The following IDUA variants were observed in gnomAD, a reference collection of about 807,000 sequenced individuals.
IDUA encodes the protein iduronidase alpha-L-.
In IDUA, 65 loss-of-function variants were observed where a neutral mutation model predicts 68.9. The ratio of observed to expected loss-of-function variants is 0.94; its 90% CI spans 0.77 to 1.16. The LOEUF (loss-of-function observed/expected upper bound fraction) is 1.16, where lower values mean the gene tolerates loss of function less well. IDUA is among the 50% of genes most tolerant of loss of function. IDUA has a pLI of 0.00. For missense variants in IDUA, 1,046 were observed against 938.0 expected, an observed-to-expected ratio of 1.12 and a Z score of -1.50; for synonymous variants, 529 against 433.6, an observed-to-expected ratio of 1.22 and a Z score of -2.73.
At chr4:1,003,844 G>A (rs557427609) in intron 12 of IDUA, 168 bp from the exon 13 acceptor site, 8 of 801,478 alleles carry the variant, frequency 1.0e-5, no homozygotes, top group East Asian at 2.5e-5. Context: ...ATGGACATTC[G>A]GGCTCCAGCC....
At position 1,004,258 on chromosome 4, in the gene IDUA, A is replaced by G. The variant is rs1553917733; in HGVS notation, c.1829-2A>G. On this transcript the variant is annotated splice_acceptor_variant, in intron 13 of 13. Coordinates refer to ENST00000514224, the MANE Select transcript of IDUA (RefSeq NM_000203.5). LOFTEE classifies it high-confidence loss of function. The surrounding 1 kb of genome is among the most constrained non-coding windows in gnomAD (Gnocchi z 5.0). ...TTGGCACACATGTCCCCTTGTCTCCAGACACAGGTGCTGTCTCTGGCTCCT... is the reference window on the plus strand; with the variant it reads ...TTGGCACACATGTCCCCTTGTCTCCGGACACAGGTGCTGTCTCTGGCTCCT... 1.9e-6 allele frequency: 3 copies of G among 1,609,962 alleles called. No homozygotes were observed. Among genetic ancestry groups the G allele is most frequent in the Non-Finnish European group, 2.5e-6 (3 of 1,179,958 alleles).
In IDUA at chr4:1,002,146, G is replaced by C. The variant is rs748350723; in HGVS notation, c.957G>C (p.Ala319=). ...CGTGGAGGGCGGACGTGACCTACGCGGCCATGGTGGTGAAGGTGGGCCGGC... is the reference window on the plus strand; with the variant it reads ...CGTGGAGGGCGGACGTGACCTACGCCGCCATGGTGGTGAAGGTGGGCCGGC... The part of the protein sequence containing the change: ...PQPWRADVTY[A]AMVVKVIAQH... The change falls in exon 7 of 14, where the codon GCG becomes GCC. Residue 319 remains alanine, a synonymous_variant. Transcript: ENST00000514224. 10 of 1,558,604 alleles carry C rather than the reference G, an allele frequency of 6.4e-6. No individual in the cohort carries two copies. The African/African-American group carries it at 1.2e-4, about 19-fold the overall frequency.
chr4:1,003,029 C>G lies in IDUA; in HGVS notation c.1403-7C>G. The stretch of plus-strand genomic sequence containing the variant: ...GGGAGCCGAGGCCTGAGTGTCAGGC[C>G]CCGCAGGCCTGGTCTACGTCACGCG... On this transcript the variant is annotated splice_polypyrimidine_tract_variant and splice_region_variant and intron_variant, in intron 9 of 13. Coordinates refer to ENST00000514224, the MANE Select transcript of IDUA (RefSeq NM_000203.5). 5 of 1,483,058 alleles carry G rather than the reference C, an allele frequency of 3.4e-6. No homozygotes were observed. Among genetic ancestry groups the G allele is most frequent in the Non-Finnish European group, 4.4e-6 (5 of 1,123,736 alleles). The allele number at this position is 1,483,058 out of a possible 1,614,324, so 91.9% of individuals were successfully genotyped here. A position where few individuals can be genotyped will look rare whatever the true frequency, so the allele number is the denominator to read the frequency against.
intron 2 of IDUA, among the ~76,000 whole-genome samples, chr4:997,966 C>T (rs1017301163): frequency 2.0e-4 from 30 of 152,230 alleles, no homozygotes; most frequent in African/African-American, 7.0e-4. Context: ...GCAGAGAAAA[C>T]CTGAAGCCCA....
chr4:1,002,688 T>C, intron 8 of IDUA, 44 bp from the exon 9 acceptor site: 1 of 1,348,772 alleles, frequency 7.4e-7, no homozygotes, highest in Non-Finnish European at 1.0e-6. Context: ...GGGGGGCGGC[T>C]GGGCAACGAC....
intron 12 of IDUA, 146 bp downstream of exon 12, chr4:1,003,771 A>T: frequency 1.0e-6 from 1 of 954,448 alleles, no homozygotes; most frequent in South Asian, 1.4e-5. Flanking sequence ...CCTTCACCCC[A>T]CACACTGTGG....
In IDUA at chr4:989,254, G is replaced by A. The variant is rs201503661; in HGVS notation, c.299+1305G>A. On this transcript the variant is annotated intron_variant, in intron 2 of 13. Transcript: ENST00000514224. The stretch of plus-strand genomic sequence containing the variant: ...AGCCATGCACCCTGCGTCCAGCCCC[G>A]TGAGGCTGTAGAGTGACTGCAGGAA... 392 of 1,612,642 alleles carry A rather than the reference G, an allele frequency of 2.4e-4. 1 individual carries two copies. The East Asian group carries it at 7.3e-3, about 30-fold the overall frequency.
In IDUA at chr4:989,535, C is replaced by T. The variant is rs370491888; in HGVS notation, c.299+1586C>T. 1.7e-4 allele frequency: 266 copies of T among 1,560,276 alleles called. No homozygotes were observed. Among genetic ancestry groups the T allele is most frequent in the Non-Finnish European group, 2.1e-4 (243 of 1,153,376 alleles). The stretch of plus-strand genomic sequence containing the variant: ...TGCCTGCCCAGACCAGCGCGTCAGC[C>T]GGGCTCATCCGCCACAGCCGCGGGA... On this transcript the variant is annotated intron_variant, in intron 2 of 13. Transcript: ENST00000514224.
intron 2 of IDUA, among the ~76,000 whole-genome samples, chr4:997,243 G>C (rs980568386): frequency 6.6e-6 from 1 of 151,688 alleles, no homozygotes; most frequent in African/African-American, 2.4e-5. Flanking sequence ...TGTCCCCTTC[G>C]TCCCGGCCAC....
intron 2 of IDUA, 119 bp downstream of exon 2, chr4:988,068 G>C (rs993885725): frequency 6.8e-7 from 1 of 1,465,234 alleles, no homozygotes; most frequent in East Asian, 2.5e-5. Context: ...GAAGCACCCT[G>C]TTGGGGAGAG....
chr4:988,819 C>A, intron 2 of IDUA: 1 of 1,557,056 alleles, frequency 6.4e-7, no homozygotes, highest in Non-Finnish European at 8.7e-7. Flanking sequence ...GGCTGCTGGG[C>A]AGGCCTGGCC....
rs375317028 is a variant in IDUA at position 989,027 on chromosome 4, C to T, written c.299+1078C>T. 47 of 1,584,154 alleles carry T rather than the reference C, an allele frequency of 3.0e-5. No individual in the cohort carries two copies. The highest frequency in any genetic ancestry group is 2.1e-4 in the East Asian group (9 of 42,952). The stretch of plus-strand genomic sequence containing the variant: ...AGCAGCAGGCTGATGCCCAGGGCCC[C>T]GTAGTCTCGGCGCAGGTCCTGCAGC... On this transcript the variant is annotated intron_variant, in intron 2 of 13. Coordinates refer to ENST00000514224, the MANE Select transcript of IDUA (RefSeq NM_000203.5).
intron 2 of IDUA, chr4:990,948 C>T (rs960777798): frequency 1.1e-4 from 69 of 623,838 alleles, no homozygotes; most frequent in Middle Eastern, 8.8e-4. Flanking sequence ...ACAGCCTCTC[C>T]GCGTCGGTGC....
At chr4:1,003,491 C>T (rs1715248802) in intron 11 of IDUA, 21 bp downstream of exon 11, 1 of 1,591,362 alleles carries the variant, frequency 6.3e-7, no homozygotes, top group Admixed American at 1.7e-5. Flanking sequence ...GTCCCCTAAC[C>T]CGCGCCGCGG....
At chr4:1,003,888 C>A in intron 12 of IDUA, 124 bp from the exon 13 acceptor site, 2 of 905,324 alleles carry the variant, frequency 2.2e-6, no homozygotes, top group Non-Finnish European at 3.7e-6. Context: ...TGCCCAGGGG[C>A]TGGGGAGGTG....
chr4:1,002,815 C>T lies in IDUA; in HGVS notation c.1273C>T (p.His425Tyr). The change falls in exon 9 of 14, where the codon CAC (histidine) becomes TAC (tyrosine). Residue 425 changes from histidine to tyrosine, a missense_variant. His to Tyr is a moderately conservative substitution (Grantham distance 83). Coordinates refer to ENST00000514224, the MANE Select transcript of IDUA (RefSeq NM_000203.5). Reference protein sequence around the residue: ...NHTVGVLASAHRPQGPADAWR... With the variant: ...NHTVGVLASAYRPQGPADAWR... ...CACGGTGGGCGTCCTGGCCAGCGCC[C>T]ACCGCCCCCAGGGCCCGGCCGACGC... 6.9e-7 allele frequency: 1 copy of T among 1,458,622 alleles called. No individual in the cohort carries two copies. Among genetic ancestry groups the T allele is most frequent in the Non-Finnish European group, 9.0e-7 (1 of 1,111,356 alleles). 90.4% of individuals were successfully genotyped at this position (1,458,622 alleles called of 1,614,324 possible). A position where few individuals can be genotyped will look rare whatever the true frequency, so the allele number is the denominator to read the frequency against.
chr4:1,002,531 G>A, intron 8 of IDUA, 46 bp downstream of exon 8: 2 of 1,422,286 alleles, frequency 1.4e-6, no homozygotes, highest in South Asian at 1.5e-5. Context: ...CCTCCAGGCT[G>A]GGGAGCGGCT....
At chr4:999,141 C>A (rs1268771011) in intron 2 of IDUA, among the ~76,000 whole-genome samples, 3 of 151,320 alleles carry the variant, frequency 2.0e-5, no homozygotes, top group African/African-American at 7.3e-5. Context: ...GGAGGGGGAG[C>A]TTGCAGTGAG....
chr4:1,003,197 G>A, intron 10 of IDUA, 40 bp downstream of exon 10: 2 of 1,309,178 alleles, frequency 1.5e-6, no homozygotes, highest in East Asian at 3.2e-5. Context: ...GGGCCGGGCC[G>A]GGGTCCCGGG....
Sources: gnomAD v4.1 joint callset for allele counts (sites outside exome capture counted in the v4.1 genomes callset) on GRCh38, gnomAD v4.1.1 for gene constraint, Gnocchi (gnomAD v3.1) non-coding constraint, MANE v1.5 for transcripts, NCBI Gene and HGNC (gene_info 2026-07-23, HGNC 2026-07-21) for gene names.